Variants in SLC25A36 observed in about 807,000 individuals in gnomAD.
SLC25A36 encodes the protein solute carrier family 25 member 36, also known as epididymis secretory sperm binding protein.
SLC25A36 carries 24 observed loss-of-function variants against 35.3 expected under a neutral mutation model. That is an observed-to-expected ratio of 0.68 (90% CI 0.49 to 0.96). The LOEUF is 0.96. Among genes scored for constraint, SLC25A36 ranks in the 40% least tolerant of loss-of-function variants. The probability of loss-of-function intolerance (pLI) is 0.00; values close to 1 mark genes in which losing one functional copy is unlikely to be tolerated. For missense variants in SLC25A36, 294 were observed against 381.1 expected, an observed-to-expected ratio of 0.77 and a Z score of 1.90; for synonymous variants, 141 against 132.2, an observed-to-expected ratio of 1.07 and a Z score of -0.46.
intron 4 of SLC25A36, chr3:140,964,523 T>A (rs1001988879): frequency 2.6e-4 from 39 of 151,914 alleles, no homozygotes; most frequent in Admixed American, 2.5e-3. Context: ...TAGAATTATT[T>A]TTAATGTAAT....
intron 1 of SLC25A36, among the ~76,000 whole-genome samples, chr3:140,951,706 G>C (rs1212796807): frequency 6.6e-6 from 1 of 152,048 alleles, no homozygotes; most frequent in African/African-American, 2.4e-5. Context: ...TGTTGGCCAG[G>C]CTGGTCTTGA....
chr3:140,953,942 C>A (rs1463663726), intron 1 of SLC25A36, among the ~76,000 whole-genome samples: 1 of 152,186 alleles, frequency 6.6e-6, no homozygotes, highest in Non-Finnish European at 1.5e-5. Flanking sequence ...TGCACTCCAG[C>A]CTTGGTGACA....
chr3:140,954,893 C>T (rs1934436437), intron 1 of SLC25A36, among the ~76,000 whole-genome samples: 1 of 151,958 alleles, frequency 6.6e-6, no homozygotes, highest in African/African-American at 2.4e-5. Context: ...CTTTTGATGT[C>T]CATATAAGAA....
Position 140,959,396 on chromosome 3 carries a change from A to G in SLC25A36, c.207-67A>G, listed in dbSNP as rs1431705353. Reference sequence around the variant, plus strand: ...TACTGGATTTAGACTCTAACTTTATATACAAAGTAAATAAAGTACCAGACT... The same window carrying G: ...TACTGGATTTAGACTCTAACTTTATGTACAAAGTAAATAAAGTACCAGACT... On this transcript the variant is annotated intron_variant, in intron 2 of 6. Coordinates refer to ENST00000324194, the MANE Select transcript of SLC25A36 (RefSeq NM_001104647.3). 7 of 854,608 alleles carry G rather than the reference A, an allele frequency of 8.2e-6. No individual in the cohort carries two copies. In the East Asian group the frequency reaches 1.6e-4, roughly 19 times the overall value. 52.9% of individuals were successfully genotyped at this position (854,608 alleles called of 1,614,324 possible). A position where few individuals can be genotyped will look rare whatever the true frequency, so the allele number is the denominator to read the frequency against.
chr3:140,956,901 A>C, intron 2 of SLC25A36: 1 of 775,660 alleles, frequency 1.3e-6, no homozygotes, highest in East Asian at 3.8e-5. Context: ...CTTCCAAATC[A>C]TGTGTATTTA....
intron 2 of SLC25A36, among the ~76,000 whole-genome samples, chr3:140,958,509 CT>C (rs1488051593): frequency 6.6e-6 from 1 of 152,170 alleles, no homozygotes; most frequent in South Asian, 2.1e-4. Context: ...TATCTACTTA[CT>C]TTTTCTAGTT....
rs376439709 is a variant in SLC25A36, at chr3:140,963,133, A to G, written c.291A>G (p.Ile97Met). ...ATCTAAATCTCTATTTTAGAGCAAT[A>G]TACTTTGCTGCTTATTCAAACTGCA... Reference protein sequence around the residue: ...NLVGVAPSRAIYFAAYSNCKE... With the variant: ...NLVGVAPSRAMYFAAYSNCKE... The change falls in exon 4 of 7, where the codon ATA (isoleucine) becomes ATG (methionine). Residue 97 changes from isoleucine to methionine, a missense_variant. Ile to Met is a conservative substitution (Grantham distance 10, BLOSUM62 1). Coordinates refer to ENST00000324194, the MANE Select transcript of SLC25A36 (RefSeq NM_001104647.3). 19 of 1,574,714 alleles carry G rather than the reference A, an allele frequency of 1.2e-5. No homozygotes were observed. Among genetic ancestry groups the G allele is most frequent in the African/African-American group, 4.1e-5 (3 of 72,700 alleles).
At chr3:140,958,551 A>T (rs1934539177) in intron 2 of SLC25A36, among the ~76,000 whole-genome samples, 2 of 152,210 alleles carry the variant, frequency 1.3e-5, no homozygotes, top group South Asian at 4.1e-4. Context: ...TTAAATACTC[A>T]GTATAGCAAC....
intron 1 of SLC25A36, among the ~76,000 whole-genome samples, chr3:140,951,696 T>C (rs1156919535): frequency 6.6e-6 from 1 of 152,122 alleles, no homozygotes; most frequent in Non-Finnish European, 1.5e-5. Flanking sequence ...TGTTTCACCA[T>C]GTTGGCCAGG....
intron 4 of SLC25A36, among the ~76,000 whole-genome samples, chr3:140,969,160 G>T (rs1372166345): frequency 6.6e-6 from 1 of 151,732 alleles, no homozygotes; most frequent in African/African-American, 2.4e-5. Flanking sequence ...GCCTTTTCAT[G>T]TAGAAAAATG....
In SLC25A36 at chr3:140,954,857, G is replaced by GT. The variant is rs1201532985; in HGVS notation, c.42-1663dup. Among the ~76,000 whole-genome samples, 6 of 151,948 alleles carry GT rather than the reference G, an allele frequency of 3.9e-5. No individual in the cohort carries two copies. In the South Asian group the frequency reaches 1.0e-3, roughly 26 times the overall value. The stretch of plus-strand genomic sequence containing the variant: ...AGTTTTGATAAGGTCCAGTTTTTCA[G>GT]TTTTTTTCTTTAATGATTTGTGCTT... On this transcript the variant is annotated intron_variant, in intron 1 of 6. Transcript: ENST00000324194.
At position 140,977,521 on chromosome 3, in the gene SLC25A36, T is replaced by C. The variant is rs866388142; in HGVS notation, c.*1068T>C. The C allele has an allele frequency of 1.6e-4, 24 of 152,220 alleles. No individual in the cohort carries two copies. The highest frequency in any genetic ancestry group is 3.1e-4 in the Non-Finnish European group (21 of 68,024). 9.4% of individuals were successfully genotyped at this position (152,220 alleles called of 1,614,324 possible). On this transcript the variant is annotated 3_prime_UTR_variant, in exon 7 of 7. Transcript: ENST00000324194. ...GCAGGTAGTGACATTAATTGACTTA[T>C]AGTTTTGTGTAAATGAACAAACTGC...
intron 2 of SLC25A36, among the ~76,000 whole-genome samples, chr3:140,958,766 C>A (rs987900848): frequency 6.6e-6 from 1 of 152,038 alleles, no homozygotes; most frequent in African/African-American, 2.4e-5. Flanking sequence ...ATTAAGCTTT[C>A]AATTTGCTGG....
At chr3:140,959,362 A>G (rs1291421084) in intron 2 of SLC25A36, 101 bp from the exon 3 acceptor site, 6 of 723,936 alleles carry the variant, frequency 8.3e-6, no homozygotes, top group Non-Finnish European at 1.3e-5. Context: ...GCACAACATA[A>G]TACAAATGTA....
At chr3:140,964,502 C>T (rs1046121887) in intron 4 of SLC25A36, 2 of 151,810 alleles carry the variant, frequency 1.3e-5, no homozygotes, top group African/African-American at 4.8e-5. Flanking sequence ...TAGAGATTAT[C>T]TTGTTACAAC....
At chr3:140,947,031 G>A (rs1440508696) in intron 1 of SLC25A36, among the ~76,000 whole-genome samples, 2 of 151,678 alleles carry the variant, frequency 1.3e-5, no homozygotes, top group Non-Finnish European at 2.9e-5. Context: ...GAGAAGAGGA[G>A]GAACCAGCCA....
intron 1 of SLC25A36, among the ~76,000 whole-genome samples, chr3:140,954,730 T>C (rs1320369797): frequency 6.6e-6 from 1 of 152,248 alleles, no homozygotes; most frequent in Non-Finnish European, 1.5e-5. Flanking sequence ...TAAGCACTTT[T>C]GCAGGTAATG....
chr3:140,980,848 A>G lies in SLC25A36; in HGVS notation c.*4395A>G, dbSNP rs1935165477. ...TTCCCTTCTGTTTCTTTATTTTCGCACTGTGTAGACCAGCTGACTGCCTTA... is the reference window on the plus strand; with the variant it reads ...TTCCCTTCTGTTTCTTTATTTTCGCGCTGTGTAGACCAGCTGACTGCCTTA... On this transcript the variant is annotated 3_prime_UTR_variant, in exon 7 of 7. Transcript: ENST00000324194. Among the ~76,000 whole-genome samples the G allele has an allele frequency of 1.3e-5, 2 of 151,696 alleles. No homozygotes were observed. Among genetic ancestry groups the G allele is most frequent in the African/African-American group, 4.8e-5 (2 of 41,256 alleles).
Position 140,973,930 on chromosome 3 carries a change from G to A in SLC25A36, c.667G>A (p.Ala223Thr), listed in dbSNP as rs747038007. Reference protein sequence around the residue: ...MENDEESVKEASDFVGMMLAA... With the variant: ...MENDEESVKETSDFVGMMLAA... ...AAATGATGAAGAGTCTGTGAAAGAAGCATCAGATTTTGTGGGAATGATGCT... is the reference window on the plus strand; with the variant it reads ...AAATGATGAAGAGTCTGTGAAAGAAACATCAGATTTTGTGGGAATGATGCT... Residue 223 changes from alanine (A) to threonine (T), a missense_variant, in exon 6 of 7, where the codon GCA becomes ACA. Coordinates refer to ENST00000324194, the MANE Select transcript of SLC25A36 (RefSeq NM_001104647.3). 128 of 1,609,896 alleles carry A rather than the reference G, an allele frequency of 8.0e-5. 2 individuals are homozygous for A. In the Middle Eastern group the frequency reaches 0.011, roughly 137 times the overall value.
Sources: allele counts gnomAD v4.1 joint callset (sites outside exome capture counted in the v4.1 genomes callset), GRCh38; gene constraint gnomAD v4.1.1; transcripts MANE v1.5; gene names NCBI Gene and HGNC (gene_info 2026-07-23, HGNC 2026-07-21).